The following SEC23IP variants were observed in gnomAD, a reference collection of about 807,000 sequenced individuals.
The protein encoded by SEC23IP is SEC23-interacting protein.
SEC23IP carries 70 observed loss-of-function variants against 113.4 expected under a neutral mutation model. The observed-to-expected ratio is 0.62, with a 90% confidence interval of 0.51 to 0.75. The LOEUF is 0.75. SEC23IP is among the 30% of genes least tolerant of loss of function. The pLI is 0.00. For missense variants in SEC23IP, 1,160 were observed against 1,204.9 expected (o/e 0.96, Z 0.55); for synonymous variants, 398 against 421.0 (o/e 0.95, Z 0.67).
At position 119,932,082 on chromosome 10, in the gene SEC23IP, G is replaced by C. The variant is rs748622895; in HGVS notation, c.2573-51G>C. The C allele has an allele frequency of 4.9e-6, 6 of 1,221,446 alleles. No individual in the cohort carries two copies. In the South Asian group the frequency reaches 6.2e-5, roughly 13 times the overall value. The allele number at this position is 1,221,446 out of a possible 1,614,324, so 75.7% of individuals were successfully genotyped here. ...GTTAACTTACAATTTTTGTGAGGCAGAAGTTTACCCAGTGACTAATTAACT... is the reference window on the plus strand; with the variant it reads ...GTTAACTTACAATTTTTGTGAGGCACAAGTTTACCCAGTGACTAATTAACT... On this transcript the variant is annotated intron_variant, in intron 15 of 18. Coordinates refer to ENST00000369075, the MANE Select transcript of SEC23IP (RefSeq NM_007190.4).
At chr10:119,919,690 C>T in intron 11 of SEC23IP, 94 bp downstream of exon 11, 1 of 949,068 alleles carries the variant, frequency 1.1e-6, no homozygotes, top group South Asian at 2.4e-5. Flanking sequence ...AAATACACTC[C>T]AGAGTAGACA....
chr10:119,919,470 G>A lies in SEC23IP; in HGVS notation c.1899G>A (p.Leu633=). The A allele has an allele frequency of 6.2e-7, 1 of 1,604,858 alleles. No individual in the cohort carries two copies. Among genetic ancestry groups the A allele is most frequent in the African/African-American group, 1.3e-5 (1 of 74,352 alleles). The part of the protein sequence containing the change: ...KQMPEEPKLT[L]DESYDLVVEN... ...TGCCTGAAGAGCCAAAGCTGACTTTGGATGAGTCGTATGACCTTGTTGTTG... is the reference window on the plus strand; with the variant it reads ...TGCCTGAAGAGCCAAAGCTGACTTTAGATGAGTCGTATGACCTTGTTGTTG... The change falls in exon 11 of 19, where the codon TTG becomes TTA. Residue 633 remains leucine, a synonymous_variant. Transcript: ENST00000369075.
rs932645894 is a variant in SEC23IP, at chr10:119,914,872, A to G, written c.1402+53A>G. On this transcript the variant is annotated intron_variant, in intron 7 of 18. Transcript: ENST00000369075. ...GGGATGATCTGAGAACTAATAGAAG[A>G]GCTTTGGAGTATTCATTTTTAGGAT... 4.0e-6 allele frequency: 6 copies of G among 1,501,992 alleles called. No individual in the cohort carries two copies. The African/African-American group carries it at 8.3e-5, about 21-fold the overall frequency. The allele number at this position is 1,501,992 out of a possible 1,614,324, so 93.0% of individuals were successfully genotyped here. A position where few individuals can be genotyped will look rare whatever the true frequency, so the allele number is the denominator to read the frequency against.
intron 4 of SEC23IP, among the ~76,000 whole-genome samples, chr10:119,907,015 A>T (rs1181455060): frequency 6.6e-6 from 1 of 151,256 alleles, no homozygotes; most frequent in Non-Finnish European, 1.5e-5. Context: ...ACAAAAGACT[A>T]GGCTGGGCAT....
chr10:119,895,569 T>C (rs1208747830), intron 1 of SEC23IP, among the ~76,000 whole-genome samples: 1 of 152,170 alleles, frequency 6.6e-6, no homozygotes, highest in African/African-American at 2.4e-5. Flanking sequence ...GATAGATGGC[T>C]ATGAATGCTA....
intron 4 of SEC23IP, among the ~76,000 whole-genome samples, chr10:119,907,432 T>G (rs1854711269): frequency 6.6e-6 from 1 of 152,128 alleles, no homozygotes; most frequent in African/African-American, 2.4e-5. Flanking sequence ...AAAAAAGACT[T>G]TGTAACAATT....
In SEC23IP at chr10:119,918,024, C is replaced by T; in HGVS notation, c.1733C>T (p.Ser578Phe). The T allele has an allele frequency of 6.2e-7, 1 of 1,613,792 alleles. No homozygotes were observed. Among genetic ancestry groups the T allele is most frequent in the Non-Finnish European group, 8.5e-7 (1 of 1,179,782 alleles). Residue 578 changes from serine to phenylalanine, a missense_variant, in exon 9 of 19, where the codon TCT (serine) becomes TTT (phenylalanine). By Grantham distance (155) the Ser-to-Phe change is radical. Coordinates refer to ENST00000369075, the MANE Select transcript of SEC23IP (RefSeq NM_007190.4). ...SRNPDFKGGVSVAGHSLGSLI... is the reference protein window; with the variant it reads ...SRNPDFKGGVFVAGHSLGSLI... ...AACCCAGACTTCAAAGGAGGTGTCT[C>T]TGTTGCTGGTCACAGTTTAGGTAAA...
intron 18 of SEC23IP, among the ~76,000 whole-genome samples, chr10:119,934,214 T>G (rs1855700202): frequency 6.6e-6 from 1 of 152,220 alleles, no homozygotes. Context: ...TCTTGCTGCC[T>G]CATAGTTATA....
intron 4 of SEC23IP, 165 bp downstream of exon 4, chr10:119,904,442 G>A: frequency 1.6e-6 from 1 of 616,282 alleles, no homozygotes; most frequent in East Asian, 2.8e-5. Context: ...CACTCATGAG[G>A]TGCTAATCGT....
At position 119,944,208 on chromosome 10, in the gene SEC23IP, A is replaced by G. The variant is rs992950200; in HGVS notation, c.*3643A>G. ...CTTGTGATAGTGAGGGAGTTCTCAC[A>G]AGATCTGATGGTTTTAAAAGTGGCA... is the stretch of plus-strand genomic sequence containing the variant. On this transcript the variant is annotated 3_prime_UTR_variant, in exon 19 of 19. Transcript: ENST00000369075. 4 of 152,114 alleles carry G rather than the reference A, an allele frequency of 2.6e-5. No homozygotes were observed. Among genetic ancestry groups the G allele is most frequent in the Admixed American group, 6.5e-5 (1 of 15,268 alleles). 9.4% of individuals were successfully genotyped at this position (152,114 alleles called of 1,614,324 possible).
chr10:119,924,901 C>T (rs1211378907), intron 12 of SEC23IP, among the ~76,000 whole-genome samples: 1 of 152,100 alleles, frequency 6.6e-6, no homozygotes, highest in African/African-American at 2.4e-5. Context: ...CCTCATCCTC[C>T]CAAGTAGCTG....
chr10:119,916,790 A>C (rs1855066116), intron 8 of SEC23IP, among the ~76,000 whole-genome samples: 1 of 152,196 alleles, frequency 6.6e-6, no homozygotes, highest in South Asian at 2.1e-4. Flanking sequence ...AAATCTTTGC[A>C]TATGACTTAT....
At chr10:119,937,171 G>A (rs1313514935) in intron 18 of SEC23IP, among the ~76,000 whole-genome samples, 7 of 151,664 alleles carry the variant, frequency 4.6e-5, no homozygotes, top group African/African-American at 1.5e-4. Context: ...CACCGTGCCC[G>A]GCCAGGGTCC....
At chr10:119,935,733 C>A (rs1476222378) in intron 18 of SEC23IP, among the ~76,000 whole-genome samples, 1 of 152,168 alleles carries the variant, frequency 6.6e-6, no homozygotes, top group Non-Finnish European at 1.5e-5. Flanking sequence ...AAATGAACCA[C>A]ATGGTAAAGA....
intron 11 of SEC23IP, among the ~76,000 whole-genome samples, chr10:119,920,681 G>A (rs1008962398): frequency 2.0e-5 from 3 of 152,202 alleles, no homozygotes; most frequent in Admixed American, 6.5e-5. Flanking sequence ...TGTATTTTCT[G>A]TTAATTAATA....
chr10:119,930,737 G>A (rs12259729), intron 15 of SEC23IP, among the ~76,000 whole-genome samples: 3,309 of 152,320 alleles, frequency 0.022, 49 homozygotes, highest in Non-Finnish European at 0.033. Context: ...AAGAAGAACA[G>A]TATTTAAAGT....
At position 119,902,882 on chromosome 10, in the gene SEC23IP, T is replaced by G. The variant is rs1314147454; in HGVS notation, c.780T>G (p.Phe260Leu). The G allele has an allele frequency of 6.2e-7, 1 of 1,614,228 alleles. No individual in the cohort carries two copies. The highest frequency in any genetic ancestry group is 1.7e-5 in the Admixed American group (1 of 60,018). ...GAPSVQVPSP[F>L]LLQNQYEPVQ... Reference sequence around the variant, plus strand: ...CCTCTGTTCAAGTGCCATCTCCTTTTCTACTTCAAAACCAATATGAGCCTG... The same window carrying G: ...CCTCTGTTCAAGTGCCATCTCCTTTGCTACTTCAAAACCAATATGAGCCTG... The change falls in exon 3 of 19, where the codon TTT becomes TTG. Residue 260 changes from phenylalanine to leucine, a missense_variant. By Grantham distance (22) the Phe-to-Leu change is conservative. Coordinates refer to ENST00000369075, the MANE Select transcript of SEC23IP (RefSeq NM_007190.4).
At position 119,932,295 on chromosome 10, in the gene SEC23IP, A is replaced by C; in HGVS notation, c.2735A>C (p.Glu912Ala). 6.2e-7 allele frequency: 1 copy of C among 1,611,350 alleles called. No homozygotes were observed. The highest frequency in any genetic ancestry group is 8.5e-7 in the Non-Finnish European group (1 of 1,179,034). The change falls in exon 16 of 19, where the codon GAA becomes GCA. Residue 912 changes from glutamate to alanine, a missense_variant. By Grantham distance (107) the Glu-to-Ala change is moderately radical. Coordinates refer to ENST00000369075, the MANE Select transcript of SEC23IP (RefSeq NM_007190.4). ...AAGGTGGCCAATCAGATCAAAGAAG[A>C]AGAAGAAAAGCAAGTAGTTGAAGGT... ...LEKVANQIKE[E>A]EEKQVVEAEK...
chr10:119,926,328 A>G (rs1460085659), intron 13 of SEC23IP, 101 bp downstream of exon 13: 11 of 1,218,614 alleles, frequency 9.0e-6, no homozygotes, highest in Non-Finnish European at 1.2e-5. Context: ...TTTAACATTT[A>G]TTTGTGATGT....
Sources: allele counts gnomAD v4.1 joint callset (sites outside exome capture counted in the v4.1 genomes callset), GRCh38; gene constraint gnomAD v4.1.1; transcripts MANE v1.5; gene names NCBI Gene and HGNC (gene_info 2026-07-23, HGNC 2026-07-21).